Variants in KCNN2 observed in about 807,000 individuals in gnomAD.
KCNN2 encodes potassium calcium-activated channel subfamily N member 2, also known as small conductance calcium-activated potassium channel protein 2.
KCNN2 carries 24 observed loss-of-function variants against 55.5 expected under a neutral mutation model. That is an observed-to-expected ratio of 0.43 (90% CI 0.31 to 0.61). KCNN2 has a LOEUF of 0.61. Ranked by LOEUF, KCNN2 falls within the 20% of genes least tolerant of loss-of-function variation. KCNN2 has a pLI of 0.08. For missense variants in KCNN2, 754 were observed against 853.6 expected (o/e 0.88, Z 1.45); for synonymous variants, 431 against 336.1 (o/e 1.28, Z -3.09).
chr5:114,190,948 C>T (rs1753437829), intron 1 of KCNN2, among the ~76,000 whole-genome samples: 1 of 152,088 alleles, frequency 6.6e-6, no homozygotes, highest in Non-Finnish European at 1.5e-5. Context: ...GTTATTGACT[C>T]TCAAAGTGGA....
intron 3 of KCNN2, among the ~76,000 whole-genome samples, chr5:114,407,425 C>T (rs1431862148): frequency 6.6e-6 from 1 of 151,900 alleles, no homozygotes; most frequent in African/African-American, 2.4e-5. Context: ...TCCCTGAATG[C>T]CTTTTTTTTA....
intron 3 of KCNN2, among the ~76,000 whole-genome samples, chr5:114,437,180 A>C (rs886699758): frequency 2.0e-5 from 3 of 152,292 alleles, no homozygotes; most frequent in Admixed American, 1.3e-4. Flanking sequence ...AATTGGATAT[A>C]TATATAGAAT....
chr5:114,206,085 TTTGA>T (rs1467165333), intron 1 of KCNN2, among the ~76,000 whole-genome samples: 1 of 152,224 alleles, frequency 6.6e-6, no homozygotes, highest in Non-Finnish European at 1.5e-5. Flanking sequence ...TTTTCCCGTC[TTTGA>T]TTGTGTGTGT....
intron 2 of KCNN2, among the ~76,000 whole-genome samples, chr5:114,324,212 T>C (rs12520028): frequency 0.22 from 33,583 of 152,140 alleles, 3,829 homozygotes; most frequent in Admixed American, 0.27. Context: ...TTAAATAGTA[T>C]TGTGGTAAGC....
intron 1 of KCNN2, among the ~76,000 whole-genome samples, chr5:114,160,902 G>T (rs1409255308): frequency 6.6e-6 from 1 of 152,052 alleles, no homozygotes; most frequent in African/African-American, 2.4e-5. Flanking sequence ...GTGTGTCTCT[G>T]CACGTGAGAT....
chr5:114,442,115 T>C (rs1245545034), intron 3 of KCNN2, among the ~76,000 whole-genome samples: 2 of 152,114 alleles, frequency 1.3e-5, no homozygotes, highest in Non-Finnish European at 2.9e-5. Flanking sequence ...GGTTGGTTCC[T>C]GGTTAGGAAC....
intron 2 of KCNN2, among the ~76,000 whole-genome samples, chr5:114,341,812 C>G (rs1757020535): frequency 6.6e-6 from 1 of 151,744 alleles, no homozygotes; most frequent in Non-Finnish European, 1.5e-5. Context: ...GTGTAAAGAA[C>G]TTTTGGTCTT....
chr5:114,363,991 G>C lies in KCNN2; in HGVS notation c.1208G>C (p.Arg403Thr). The change falls in exon 2 of 8, where the codon AGG becomes ACG. Residue 403 changes from arginine (R) to threonine (T), a missense_variant. This residue lies in a region of KCNN2 where 123 missense variants were observed against 204.9 expected (regional missense o/e 0.60). Transcript: ENST00000673685. ...GGTCTGATCATCGTGTACCACGCCAGGGAAATACAGGTAACTTAGGTCCTG... is the reference window on the plus strand; with the variant it reads ...GGTCTGATCATCGTGTACCACGCCACGGAAATACAGGTAACTTAGGTCCTG... ...LLGLIIVYHA[R>T]EIQLFMVDNG... is the part of the protein sequence containing the mutation. 1 of 1,612,686 alleles carries C rather than the reference G, an allele frequency of 6.2e-7. No individual in the cohort carries two copies. The highest frequency in any genetic ancestry group is 1.1e-5 in the South Asian group (1 of 91,032).
intron 2 of KCNN2, among the ~76,000 whole-genome samples, chr5:114,264,776 C>T (rs537523455): frequency 2.0e-5 from 3 of 152,298 alleles, no homozygotes; most frequent in Admixed American, 2.0e-4. Context: ...AATGCCCCCC[C>T]AGGGCAGCAT....
At chr5:114,141,350 AT>A (rs1460957623) in intron 1 of KCNN2, among the ~76,000 whole-genome samples, 1 of 151,490 alleles carries the variant, frequency 6.6e-6, no homozygotes, top group African/African-American at 2.4e-5. Flanking sequence ...TCATTGTTCA[AT>A]TCCCACCTAT....
At chr5:114,363,725 CTT>C (rs1160271231) in intron 1 of KCNN2, among the ~76,000 whole-genome samples, 179 bp from the exon 2 acceptor site, 1 of 152,144 alleles carries the variant, frequency 6.6e-6, no homozygotes, top group Non-Finnish European at 1.5e-5. Context: ...ACTCTCGTCT[CTT>C]TTGGTTTTGA....
At chr5:114,333,223 C>T (rs1016718705) in intron 2 of KCNN2, among the ~76,000 whole-genome samples, 5 of 152,112 alleles carry the variant, frequency 3.3e-5, no homozygotes, top group Admixed American at 6.5e-5. Context: ...GCCGGGAGGG[C>T]GGAAACATGG....
At chr5:114,159,452 G>C (rs1032642752) in intron 1 of KCNN2, among the ~76,000 whole-genome samples, 3 of 152,142 alleles carry the variant, frequency 2.0e-5, no homozygotes, top group East Asian at 3.9e-4. Context: ...AAGGATATTG[G>C]TTTAAAATTC....
intron 1 of KCNN2, among the ~76,000 whole-genome samples, chr5:114,145,071 G>C (rs113633398): frequency 1.3e-5 from 2 of 152,160 alleles, no homozygotes; most frequent in Non-Finnish European, 2.9e-5. Context: ...CCATAATTCT[G>C]AATGTTCAGG....
At chr5:114,281,685 A>T (rs530151959) in intron 2 of KCNN2, among the ~76,000 whole-genome samples, 2 of 99,790 alleles carry the variant, frequency 2.0e-5, no homozygotes, top group African/African-American at 7.2e-5. Context: ...TCCTAGTCAG[A>T]TTTTGCAGCA....
rs146587280 is a variant in KCNN2 at position 114,352,252 on chromosome 5, T to C, written c.-184-8693T>C. 5.3e-4 allele frequency among the ~76,000 whole-genome samples: 81 copies of C among 151,862 alleles called. 1 individual carries two copies. The East Asian group carries it at 0.015, about 28-fold the overall frequency. On this transcript the variant is annotated intron_variant, in intron 2 of 10. Transcript: ENST00000512097. The stretch of plus-strand genomic sequence containing the variant: ...TATAATCCTTTTCATTTCTGTAAGG[T>C]TAGTAGTGATGCCCTCTATTTATTA...
intron 2 of KCNN2, among the ~76,000 whole-genome samples, chr5:114,277,901 T>C (rs1254791857): frequency 6.6e-6 from 1 of 151,992 alleles, no homozygotes; most frequent in Non-Finnish European, 1.5e-5. Context: ...GTCGTTTTCC[T>C]TTGGAGGAGA....
intron 1 of KCNN2, among the ~76,000 whole-genome samples, chr5:114,126,543 T>C (rs1321269362): frequency 6.6e-6 from 1 of 152,168 alleles, no homozygotes; most frequent in Non-Finnish European, 1.5e-5. Context: ...ATCTCCACCG[T>C]GTCCCTCCCA....
rs1296903521 is a variant in KCNN2 at position 114,132,142 on chromosome 5, C to T, written c.-271+75642C>T. 2.6e-5 allele frequency among the ~76,000 whole-genome samples: 4 copies of T among 152,096 alleles called. No homozygotes were observed. In the East Asian group the frequency reaches 7.7e-4, roughly 29 times the overall value. ...AGAAGCTCTTTAGTTTAATTAGATC[C>T]CATTTGTCAATTTTGGCTTTTGTTG... On this transcript the variant is annotated intron_variant, in intron 1 of 10. Transcript: ENST00000512097.
Sources: gnomAD v4.1 joint callset for allele counts (sites outside exome capture counted in the v4.1 genomes callset) on GRCh38, gnomAD v4.1.1 for gene constraint, gnomAD v4.1.1 regional missense constraint, MANE v1.5 for transcripts, NCBI Gene and HGNC (gene_info 2026-07-23, HGNC 2026-07-21) for gene names.